Variants in ADAMTS20 observed in about 807,000 individuals in gnomAD.
The protein encoded by ADAMTS20 is A disintegrin and metalloproteinase with thrombospondin motifs 20.
Under a neutral mutation model 260.1 loss-of-function variants are expected in ADAMTS20, and 225 were observed. The ratio of observed to expected loss-of-function variants is 0.87; its 90% CI spans 0.78 to 0.97. The LOEUF is 0.97. ADAMTS20 is among the 50% of genes least tolerant of loss of function. The pLI is 0.00. For missense variants in ADAMTS20, 2,400 were observed against 2,337.7 expected (o/e 1.03, Z -0.55); for synonymous variants, 802 against 769.5 (o/e 1.04, Z -0.70).
chr12:43,386,804 C>T (rs778039895), intron 29 of ADAMTS20, among the ~76,000 whole-genome samples: 3 of 152,172 alleles, frequency 2.0e-5, no homozygotes, highest in Middle Eastern at 3.2e-3. Flanking sequence ...GTATGCTTCA[C>T]GAAGTTCTCG....
intron 22 of ADAMTS20, 58 bp from the exon 23 acceptor site, chr12:43,430,529 C>A (rs1478589256): frequency 4.6e-6 from 7 of 1,505,816 alleles, no homozygotes; most frequent in Non-Finnish European, 6.3e-6. Context: ...ACACAAACTT[C>A]TATTTTCTTA....
intron 3 of ADAMTS20, among the ~76,000 whole-genome samples, chr12:43,529,623 G>A (rs938046471): frequency 1.3e-5 from 2 of 152,112 alleles, no homozygotes; most frequent in South Asian, 2.1e-4. Context: ...AAGGCATACC[G>A]AGTGATATAA....
intron 26 of ADAMTS20, among the ~76,000 whole-genome samples, chr12:43,427,747 A>G (rs1182969191): frequency 6.6e-6 from 1 of 152,204 alleles, no homozygotes; most frequent in African/African-American, 2.4e-5. Flanking sequence ...AAGAAATTAA[A>G]GTTTTTGAGA....
chr12:43,496,858 C>T (rs1401563106), intron 4 of ADAMTS20, among the ~76,000 whole-genome samples: 6 of 152,100 alleles, frequency 3.9e-5, no homozygotes, highest in African/African-American at 1.4e-4. Context: ...CACACATACA[C>T]ATATTAAATC....
intron 37 of ADAMTS20, 63 bp from the exon 38 acceptor site, chr12:43,356,651 G>A: frequency 8.1e-7 from 1 of 1,238,970 alleles, no homozygotes. Flanking sequence ...TTACAAATAA[G>A]TCTTCTCAAT....
At position 43,385,365 on chromosome 12, in the gene ADAMTS20, T is replaced by G. The variant is rs139511678; in HGVS notation, c.4453-1388A>C. ...GGATATTAGCGCTTTGTCACATGGA[T>G]AGATTGCAAAAATTTTCTCCCATTC... is the stretch of plus-strand genomic sequence containing the variant. On this transcript the variant is annotated intron_variant, in intron 29 of 38. Transcript: ENST00000389420. Among the ~76,000 whole-genome samples the G allele has an allele frequency of 9.5e-4, 145 of 152,326 alleles. 1 individual carries two copies. The highest frequency in any genetic ancestry group is 3.4e-3 in the African/African-American group (141 of 41,576).
intron 37 of ADAMTS20, among the ~76,000 whole-genome samples, chr12:43,363,950 TA>T: frequency 6.6e-6 from 1 of 152,312 alleles, no homozygotes; most frequent in South Asian, 2.1e-4. Flanking sequence ...GGAAATCATC[TA>T]GCAATTAGTG....
At chr12:43,472,082 CTT>C (rs1457952525) in intron 7 of ADAMTS20, among the ~76,000 whole-genome samples, 5 of 151,262 alleles carry the variant, frequency 3.3e-5, no homozygotes, top group African/African-American at 1.2e-4. Flanking sequence ...AAGTTGAAAA[CTT>C]TGAAAAAAAT....
At chr12:43,518,623 T>C (rs191149747) in intron 3 of ADAMTS20, among the ~76,000 whole-genome samples, 2 of 152,174 alleles carry the variant, frequency 1.3e-5, no homozygotes, top group East Asian at 3.9e-4. Context: ...TAAATTCTTA[T>C]CTCAAGCCTA....
In ADAMTS20 at chr12:43,432,292, T is replaced by A; in HGVS notation, c.3096+12A>T. The A allele has an allele frequency of 6.2e-7, 1 of 1,609,410 alleles. No homozygotes were observed. Among genetic ancestry groups the A allele is most frequent in the Non-Finnish European group, 8.5e-7 (1 of 1,177,380 alleles). On this transcript the variant is annotated intron_variant, in intron 21 of 38. Coordinates refer to ENST00000389420, the MANE Select transcript of ADAMTS20 (RefSeq NM_025003.5). ...TATTTTAATAGTTCCAAGCATCATG[T>A]GTTTAATGTACCTCGCTCCATTCAC... is the stretch of plus-strand genomic sequence containing the variant.
rs189494975 is a variant in ADAMTS20 at position 43,509,074 on chromosome 12, A to G, written c.614-6669T>C. Among the ~76,000 whole-genome samples the G allele has an allele frequency of 7.8e-4, 119 of 152,288 alleles. 1 individual carries two copies. The highest frequency in any genetic ancestry group is 2.8e-3 in the African/African-American group (117 of 41,574). On this transcript the variant is annotated intron_variant, in intron 3 of 38. Transcript: ENST00000389420. ...TTCCAACTGTACCTATGTTCCTGCA[A>G]AGGACATGATCTCGTTCCTTTTTAT...
At chr12:43,403,240 TTATA>T (rs1940847680) in intron 28 of ADAMTS20, among the ~76,000 whole-genome samples, 1 of 152,156 alleles carries the variant, frequency 6.6e-6, no homozygotes, top group Non-Finnish European at 1.5e-5. Context: ...ATTTTTTTGT[TTATA>T]TGTAAGGATA....
At position 43,434,294 on chromosome 12, in the gene ADAMTS20, G is replaced by C; in HGVS notation, c.2671C>G (p.Pro891Ala). 6.3e-7 allele frequency: 1 copy of C among 1,592,056 alleles called. No homozygotes were observed. Among genetic ancestry groups the C allele is most frequent in the South Asian group, 1.1e-5 (1 of 87,668 alleles). ...VVSDKECDHL[P>A]LPSFVTQSCN... ...CTTTGAGTAACAAATGATGGAAGTG[G>C]CAAGTGGTCACATTCTTTATCAGAC... Residue 891 changes from proline (P) to alanine (A), a missense_variant, in exon 19 of 39, where the codon CCA becomes GCA. Coordinates refer to ENST00000389420, the MANE Select transcript of ADAMTS20 (RefSeq NM_025003.5).
At chr12:43,366,153 A>T (rs1008824085) in intron 37 of ADAMTS20, among the ~76,000 whole-genome samples, 13 of 151,930 alleles carry the variant, frequency 8.6e-5, no homozygotes, top group African/African-American at 3.1e-4. Flanking sequence ...AGGGATGAAA[A>T]TATATATAGC....
chr12:43,412,754 A>T (rs61925140), intron 28 of ADAMTS20, among the ~76,000 whole-genome samples: 14,267 of 151,880 alleles, frequency 0.094, 870 homozygotes, highest in Admixed American at 0.17. Context: ...AATAAACAAT[A>T]AAGAGGTTGC....
chr12:43,517,197 A>G (rs1325505477), intron 3 of ADAMTS20, among the ~76,000 whole-genome samples: 1 of 152,082 alleles, frequency 6.6e-6, no homozygotes, highest in Non-Finnish European at 1.5e-5. Context: ...GGACAGTTCT[A>G]GAAAAACTAG....
At chr12:43,448,802 C>T (rs1361222945) in intron 14 of ADAMTS20, among the ~76,000 whole-genome samples, 1 of 151,384 alleles carries the variant, frequency 6.6e-6, no homozygotes, top group Non-Finnish European at 1.5e-5. Flanking sequence ...GAAAAAAAAA[C>T]AATCCCATTA....
intron 36 of ADAMTS20, 47 bp from the exon 37 acceptor site, chr12:43,369,428 A>T (rs1940058946): frequency 8.8e-7 from 1 of 1,133,782 alleles, no homozygotes; most frequent in Non-Finnish European, 1.2e-6. Context: ...CAATAATGCA[A>T]TCGTTGTTGT....
chr12:43,431,285 T>C lies in ADAMTS20; in HGVS notation c.3261+47A>G, dbSNP rs12320797. ...TAAATATAACACAACTTTTGTGCTA[T>C]TCTGTAAAGATAGATCAAATTAGAA... is the stretch of plus-strand genomic sequence containing the variant. On this transcript the variant is annotated intron_variant, in intron 22 of 38. Coordinates refer to ENST00000389420, the MANE Select transcript of ADAMTS20 (RefSeq NM_025003.5). 4,480 of 1,584,632 alleles carry C rather than the reference T, an allele frequency of 2.8e-3. 116 individuals carry two copies. In the African/African-American group the frequency reaches 0.054, roughly 19 times the overall value.
Sources: gnomAD v4.1 joint callset for allele counts (sites outside exome capture counted in the v4.1 genomes callset) on GRCh38, gnomAD v4.1.1 for gene constraint, MANE v1.5 for transcripts, NCBI Gene and HGNC (gene_info 2026-07-23, HGNC 2026-07-21) for gene names.